The following VRK2 variants were observed in gnomAD, a reference collection of about 807,000 sequenced individuals.
VRK2 encodes the protein serine/threonine-protein kinase VRK2.
VRK2 carries 60 observed loss-of-function variants against 57.6 expected under a neutral mutation model. That is an observed-to-expected ratio of 1.04 (90% CI 0.85 to 1.29). The LOEUF is 1.29. Ranked by LOEUF, VRK2 falls within the 50% of genes most tolerant of loss-of-function variation. The pLI, the probability that VRK2 is intolerant of heterozygous loss-of-function variation, is 0.00. For synonymous variants in VRK2, 231 were observed against 199.2 expected (o/e 1.16, Z -1.35); for missense variants, 705 against 588.1 (o/e 1.20, Z -2.06).
At chr2:57,948,964 C>T (rs1372058050) in intron 1 of VRK2, among the ~76,000 whole-genome samples, 4 of 150,762 alleles carry the variant, frequency 2.7e-5, no homozygotes, top group Admixed American at 1.3e-4. Flanking sequence ...AGAAAAGGGG[C>T]TGTGAATTTA....
At chr2:57,975,816 T>C (rs140035472) in intron 1 of VRK2, among the ~76,000 whole-genome samples, 71 of 152,004 alleles carry the variant, frequency 4.7e-4, no homozygotes, top group African/African-American at 1.7e-3. Flanking sequence ...ATTTGTTACA[T>C]GGGTAAGTTG....
chr2:58,158,452 C>G (rs894987622), intron 12 of VRK2, among the ~76,000 whole-genome samples: 4 of 152,016 alleles, frequency 2.6e-5, no homozygotes. Context: ...AACTCTGTAT[C>G]TAGAAAGGGG....
Position 58,067,938 on chromosome 2 carries a change from G to GTT in VRK2, c.137-16143_137-16142dup, listed in dbSNP as rs112799482. Among the ~76,000 whole-genome samples, 7 of 138,082 alleles carry GTT rather than the reference G, an allele frequency of 5.1e-5. No homozygotes were observed. In the South Asian group the frequency reaches 7.0e-4, roughly 14 times the overall value. The allele number at this position is 138,082 out of a possible 152,430, so 90.6% of individuals were successfully genotyped here. ...TTTCTTTCTTTTTTGTTTTTGTTTT[G>GTT]TTTTTTTTTGAAACAGAGTATCGCT... On this transcript the variant is annotated intron_variant, in intron 2 of 12. Transcript: ENST00000340157.
At chr2:57,996,245 C>T (rs1288520472) in intron 1 of VRK2, among the ~76,000 whole-genome samples, 1 of 152,174 alleles carries the variant, frequency 6.6e-6, no homozygotes, top group Non-Finnish European at 1.5e-5. Context: ...CGAGGGATGA[C>T]TATAATGCCT....
At chr2:58,062,023 G>T (rs561915549) in intron 2 of VRK2, among the ~76,000 whole-genome samples, 1 of 152,016 alleles carries the variant, frequency 6.6e-6, no homozygotes, top group Non-Finnish European at 1.5e-5. Flanking sequence ...CACACTGAAG[G>T]TTGTGGCAAC....
chr2:57,921,909 C>T (rs1032479824), intron 1 of VRK2, among the ~76,000 whole-genome samples: 1 of 152,074 alleles, frequency 6.6e-6, no homozygotes, highest in African/African-American at 2.4e-5. Context: ...CTGTACTGAA[C>T]TGCATTTGCC....
intron 1 of VRK2, among the ~76,000 whole-genome samples, chr2:58,002,865 A>G (rs1291392754): frequency 1.3e-5 from 2 of 152,216 alleles, no homozygotes; most frequent in Non-Finnish European, 2.9e-5. Context: ...GTGTTTGGAA[A>G]TTAATCTGCT....
intron 10 of VRK2, 124 bp downstream of exon 10, chr2:58,135,323 C>G: frequency 1.1e-6 from 1 of 931,456 alleles, no homozygotes; most frequent in Non-Finnish European, 1.7e-6. Flanking sequence ...AAGGAGGGAA[C>G]TCTTCATGTT....
At chr2:58,150,512 TATC>T (rs1682839467) in intron 12 of VRK2, among the ~76,000 whole-genome samples, 1 of 150,864 alleles carries the variant, frequency 6.6e-6, no homozygotes, top group Non-Finnish European at 1.5e-5. Context: ...GCTAAGGGCT[TATC>T]ATTTTCATTG....
chr2:58,146,612 C>G lies in VRK2; in HGVS notation c.1182+138C>G, dbSNP rs1682179009. The G allele has an allele frequency of 9.0e-6, 9 of 996,084 alleles. No homozygotes were observed. In the South Asian group the frequency reaches 1.8e-4, roughly 20 times the overall value. 61.7% of individuals were successfully genotyped at this position (996,084 alleles called of 1,614,324 possible). ...TAAATGAGAAGGGACAGAAAATATC[C>G]TAGCCAGCTGATAAAATTAAAGCGG... On this transcript the variant is annotated intron_variant, in intron 12 of 12. Transcript: ENST00000340157.
At chr2:58,095,675 G>C (rs1227475216) in intron 7 of VRK2, among the ~76,000 whole-genome samples, 1 of 151,792 alleles carries the variant, frequency 6.6e-6, no homozygotes, top group Non-Finnish European at 1.5e-5. Flanking sequence ...TGGTTCTTTA[G>C]AGTTTTCTTA....
chr2:57,943,586 A>T (rs1425444223), intron 1 of VRK2, among the ~76,000 whole-genome samples: 1 of 152,228 alleles, frequency 6.6e-6, no homozygotes, highest in Non-Finnish European at 1.5e-5. Flanking sequence ...TAAGATGGAC[A>T]TAAGACTGGA....
intron 7 of VRK2, among the ~76,000 whole-genome samples, chr2:58,108,281 C>T (rs568884266): frequency 1.2e-4 from 19 of 152,212 alleles, no homozygotes; most frequent in African/African-American, 3.9e-4. Context: ...CTTTGTCTCC[C>T]TTCTGCTCAC....
In VRK2 at chr2:58,007,217, CCTCTCTCT is replaced by C. The variant is rs34855177; in HGVS notation, c.-438-18432_-438-18425del. ...TTCTCATAATAAATCTCTCTCTCTC[CCTCTCTCT>C]CTCTCTCTCTCTCTCATATATATGT... On this transcript the variant is annotated intron_variant, in intron 1 of 15. Coordinates refer to the VRK2 transcript ENST00000417641. Among the ~76,000 whole-genome samples, 4 of 141,596 alleles carry C rather than the reference CCTCTCTCT, an allele frequency of 2.8e-5. No homozygotes were observed. The South Asian group carries it at 9.1e-4, about 32-fold the overall frequency. 92.9% of individuals were successfully genotyped at this position (141,596 alleles called of 152,430 possible).
intron 2 of VRK2, among the ~76,000 whole-genome samples, chr2:58,065,787 C>T (rs1435784473): frequency 1.3e-5 from 2 of 151,966 alleles, no homozygotes; most frequent in Non-Finnish European, 2.9e-5. Context: ...CTTATATCAG[C>T]TTTTTGTAGT....
chr2:58,104,140 A>G (rs2104366977), intron 7 of VRK2, among the ~76,000 whole-genome samples: 1 of 151,884 alleles, frequency 6.6e-6, no homozygotes, highest in Non-Finnish European at 1.5e-5. Flanking sequence ...CAATCTCCCT[A>G]CAAACTGGAA....
chr2:58,009,846 A>G (rs1177267331), intron 1 of VRK2, among the ~76,000 whole-genome samples: 3 of 152,052 alleles, frequency 2.0e-5, no homozygotes, highest in Admixed American at 2.0e-4. Flanking sequence ...TATTCTCCAT[A>G]CTGTTTTTTT....
chr2:57,932,720 A>G (rs1670769211), intron 1 of VRK2, among the ~76,000 whole-genome samples: 1 of 151,732 alleles, frequency 6.6e-6, no homozygotes, highest in African/African-American at 2.4e-5. Context: ...CCTTTATTCT[A>G]CTAACTTTGG....
In VRK2 at chr2:58,080,213, A is replaced by G. The variant is rs80286090; in HGVS notation, c.137-3876A>G. Among the ~76,000 whole-genome samples the G allele has an allele frequency of 5.7e-4, 86 of 151,982 alleles. No individual in the cohort carries two copies. The East Asian group carries it at 0.01, about 18-fold the overall frequency. On this transcript the variant is annotated intron_variant, in intron 2 of 12. Coordinates refer to ENST00000340157, the MANE Select transcript of VRK2 (RefSeq NM_006296.7). ...AGTATTCAGTCCTATCTATTTTCTG[A>G]TTTCCATTGTGATTTCCTTTTTCCC...
Sources: allele counts gnomAD v4.1 joint callset (sites outside exome capture counted in the v4.1 genomes callset), GRCh38; gene constraint gnomAD v4.1.1; transcripts MANE v1.5; gene names NCBI Gene and HGNC (gene_info 2026-07-23, HGNC 2026-07-21).